Variants in PEX13 observed in about 807,000 individuals in gnomAD.
PEX13 encodes peroxisomal biogenesis factor 13.
Under a neutral mutation model 34.5 loss-of-function variants are expected in PEX13, and 28 were observed. The observed-to-expected ratio is 0.81, with a 90% CI of 0.60 to 1.11. The LOEUF (loss-of-function observed/expected upper bound fraction) is 1.11, where lower values mean the gene tolerates loss of function less well. Ranked by LOEUF, PEX13 falls within the 50% of genes most tolerant of loss-of-function variation. The pLI is 0.00. For synonymous variants in PEX13, 177 were observed against 175.1 expected (o/e 1.01, Z -0.09); for missense variants, 550 against 491.0 (o/e 1.12, Z -1.13).
intron 1 of PEX13, among the ~76,000 whole-genome samples, chr2:61,021,372 A>G (rs1194729307): frequency 6.6e-6 from 1 of 152,214 alleles, no homozygotes; most frequent in Non-Finnish European, 1.5e-5. Flanking sequence ...ATTCTCTCCC[A>G]TGCCTGGCTT....
rs1464303758 is a variant in PEX13, at chr2:61,050,321, A to G, written c.*1551A>G. 1.3e-5 allele frequency: 2 copies of G among 152,360 alleles called. No individual in the cohort carries two copies. The highest frequency in any genetic ancestry group is 2.9e-5 in the Non-Finnish European group (2 of 68,198). The allele number at this position is 152,360 out of a possible 1,614,324, so 9.4% of individuals were successfully genotyped here. Reference sequence around the variant, plus strand: ...AACCCGGGAGGCAGAGGTTGCAGGGAGCTGAGATCATGCCACTGCACTCCA... The same window carrying G: ...AACCCGGGAGGCAGAGGTTGCAGGGGGCTGAGATCATGCCACTGCACTCCA... On this transcript the variant is annotated 3_prime_UTR_variant, in exon 4 of 4. Coordinates refer to ENST00000295030, the MANE Select transcript of PEX13 (RefSeq NM_002618.4).
At chr2:61,019,056 C>T (rs1680188280) in intron 1 of PEX13, 1 of 152,260 alleles carries the variant, frequency 6.6e-6, no homozygotes, top group Non-Finnish European at 1.5e-5. Context: ...AAATAAAAGA[C>T]GGCTAAACTC....
intron 2 of PEX13, among the ~76,000 whole-genome samples, chr2:61,035,225 T>C (rs1680516032): frequency 6.6e-6 from 1 of 152,164 alleles, no homozygotes; most frequent in Non-Finnish European, 1.5e-5. Context: ...GACCTGCAGC[T>C]GAGGGGCCTG....
chr2:61,018,469 AT>A (rs70959887), intron 1 of PEX13: 98,699 of 644,606 alleles, frequency 0.15, 7,410 homozygotes, highest in Non-Finnish European at 0.17. Flanking sequence ...TGAGGCCTGT[AT>A]TTTTTTTTTG....
chr2:61,037,267 G>T (rs1382322847), intron 2 of PEX13, among the ~76,000 whole-genome samples: 1 of 152,082 alleles, frequency 6.6e-6, no homozygotes, highest in Admixed American at 6.6e-5. Flanking sequence ...GGACCCAGCG[G>T]ACCTAATAGA....
At position 61,029,189 on chromosome 2, in the gene PEX13, A is replaced by T. The variant is rs567703996; in HGVS notation, c.93-2230A>T. ...ACTTAAAAGTGGGCAAAGTATCTGA[A>T]TACATATTTTTCCAAATAAGATTGT... On this transcript the variant is annotated intron_variant, in intron 1 of 3. Coordinates refer to ENST00000295030, the MANE Select transcript of PEX13 (RefSeq NM_002618.4). Among the ~76,000 whole-genome samples the T allele has an allele frequency of 2.6e-4, 39 of 152,304 alleles. No individual in the cohort carries two copies. In the South Asian group the frequency reaches 7.7e-3, roughly 30 times the overall value.
chr2:61,018,011 T>C, intron 1 of PEX13, 160 bp downstream of exon 1: 1 of 1,363,944 alleles, frequency 7.3e-7, no homozygotes. Context: ...CGCTTACCAG[T>C]GGGGACTTTA....
chr2:61,018,124 C>T (rs969675571), intron 1 of PEX13: 3 of 1,547,288 alleles, frequency 1.9e-6, no homozygotes, highest in Admixed American at 2.0e-5. Flanking sequence ...GAAAGGGGGG[C>T]GGCTTCCTAC....
intron 2 of PEX13, among the ~76,000 whole-genome samples, chr2:61,033,534 G>A (rs1680486343): frequency 6.6e-6 from 1 of 152,178 alleles, no homozygotes; most frequent in African/African-American, 2.4e-5. Flanking sequence ...AAAAATCTCT[G>A]CCTTTGTGGC....
intron 3 of PEX13, 39 bp downstream of exon 3, chr2:61,045,890 T>C: frequency 1.3e-6 from 2 of 1,518,118 alleles, no homozygotes; most frequent in Non-Finnish European, 1.8e-6. Context: ...TCTGTAAATT[T>C]TGATATTCAT....
In PEX13 at chr2:61,017,946, T is replaced by TC. The variant is rs779404424; in HGVS notation, c.92+101dup. 317 of 1,390,318 alleles carry TC rather than the reference T, an allele frequency of 2.3e-4. 1 individual carries two copies. The South Asian group carries it at 2.6e-3, about 12-fold the overall frequency. 86.1% of individuals were successfully genotyped at this position (1,390,318 alleles called of 1,614,324 possible). On this transcript the variant is annotated intron_variant, in intron 1 of 3. Transcript: ENST00000295030. ...GCGGTTGTTAGTGGAGGTATTCCCT[T>TC]CCCCCCTTTAACCAATACCCAACCT...
chr2:61,018,262 A>G, intron 1 of PEX13: 2 of 1,551,016 alleles, frequency 1.3e-6, no homozygotes, highest in Non-Finnish European at 1.7e-6. Context: ...CTCTCCTTAA[A>G]GGTGTTAACC....
chr2:61,038,230 A>G (rs933792241), intron 2 of PEX13, among the ~76,000 whole-genome samples: 1 of 152,250 alleles, frequency 6.6e-6, no homozygotes, highest in African/African-American at 2.4e-5. Context: ...ATAGAAAAAG[A>G]GGGAATCCTC....
chr2:61,019,307 C>G (rs527813689), intron 1 of PEX13, among the ~76,000 whole-genome samples: 40 of 151,944 alleles, frequency 2.6e-4, no homozygotes, highest in African/African-American at 9.2e-4. Context: ...TCTTTGCTTA[C>G]CAATTTGTAA....
At chr2:61,026,337 C>CT in intron 1 of PEX13, among the ~76,000 whole-genome samples, 1 of 141,118 alleles carries the variant, frequency 7.1e-6, no homozygotes, top group African/African-American at 2.6e-5. Context: ...GCCACCTTTT[C>CT]TTTTTTCTTT....
At chr2:61,029,253 A>G (rs900385216) in intron 1 of PEX13, among the ~76,000 whole-genome samples, 8 of 152,190 alleles carry the variant, frequency 5.3e-5, no homozygotes, top group Admixed American at 1.3e-4. Flanking sequence ...GCTCAACATC[A>G]TTAGCCGTCA....
At position 61,045,826 on chromosome 2, in the gene PEX13, T is replaced by A; in HGVS notation, c.888T>A (p.Gly296=). ...AAGAAGAAATTTCTTTCCGGGCTGG[T>A]GATATGCTGAACTTAGCTCTCAAAG... ...VSEEEISFRA[G]DMLNLALKEQ... Residue 296 remains glycine, a synonymous_variant, in exon 3 of 4, where the codon GGT becomes GGA. Coordinates refer to ENST00000295030, the MANE Select transcript of PEX13 (RefSeq NM_002618.4). The A allele has an allele frequency of 6.2e-7, 1 of 1,613,126 alleles. No homozygotes were observed. Among genetic ancestry groups the A allele is most frequent in the Non-Finnish European group, 8.5e-7 (1 of 1,179,138 alleles).
chr2:61,027,324 G>A (rs1680374907), intron 1 of PEX13, among the ~76,000 whole-genome samples: 1 of 145,992 alleles, frequency 6.8e-6, no homozygotes, highest in Non-Finnish European at 1.5e-5. Context: ...GGGTGACAGA[G>A]TGAGACTCTG....
chr2:61,044,445 T>G (rs959865369), intron 2 of PEX13, among the ~76,000 whole-genome samples: 2 of 152,162 alleles, frequency 1.3e-5, no homozygotes, highest in Non-Finnish European at 2.9e-5. Context: ...GAAACAAGGT[T>G]TCCCTATGTT....
Sources: gnomAD v4.1 joint callset for allele counts (sites outside exome capture counted in the v4.1 genomes callset) on GRCh38, gnomAD v4.1.1 for gene constraint, MANE v1.5 for transcripts, NCBI Gene and HGNC (gene_info 2026-07-23, HGNC 2026-07-21) for gene names.